Variants in NR5A1 observed in about 807,000 individuals in gnomAD.
NR5A1 encodes the protein steroidogenic factor 1.
NR5A1 carries 6 observed loss-of-function variants against 42.7 expected under a neutral mutation model. That is an observed-to-expected ratio of 0.14 (90% CI 0.08 to 0.28). The LOEUF (loss-of-function observed/expected upper bound fraction) is 0.28. Ranked by LOEUF, NR5A1 falls within the 10% of genes least tolerant of loss-of-function variation. The pLI is 1.00. For missense variants in NR5A1, 442 were observed against 626.4 expected (o/e 0.71, Z 3.14); for synonymous variants, 274 against 277.5 (o/e 0.99, Z 0.12).
At chr9:124,504,425 C>A (rs1410192635) in intron 1 of NR5A1, among the ~76,000 whole-genome samples, 1 of 152,066 alleles carries the variant, frequency 6.6e-6, no homozygotes, top group African/African-American at 2.4e-5. Flanking sequence ...AAACGCAGAG[C>A]CGCCGGGACC....
At chr9:124,499,255 T>C (rs1832431162) in intron 4 of NR5A1, among the ~76,000 whole-genome samples, 1 of 152,198 alleles carries the variant, frequency 6.6e-6, no homozygotes, top group Admixed American at 6.5e-5. Context: ...GTGGGAAGAC[T>C]GGGAAGTTCT....
intron 6 of NR5A1, among the ~76,000 whole-genome samples, chr9:124,488,406 C>T (rs1224996260): frequency 6.6e-6 from 1 of 152,150 alleles, no homozygotes; most frequent in Non-Finnish European, 1.5e-5. Context: ...CACCCCCAAC[C>T]TCACCAGGTT....
chr9:124,489,063 C>T (rs754669579), intron 6 of NR5A1, among the ~76,000 whole-genome samples: 2 of 152,274 alleles, frequency 1.3e-5, no homozygotes, highest in Non-Finnish European at 2.9e-5. Flanking sequence ...GCTCTGCCAT[C>T]TTCCTTAAGT....
chr9:124,502,952 G>T, intron 3 of NR5A1, 127 bp downstream of exon 3: 1 of 1,292,508 alleles, frequency 7.7e-7, no homozygotes, highest in African/African-American at 1.5e-5. Flanking sequence ...CAGCGACTGG[G>T]CCCTAATGTC....
chr9:124,487,659 C>T (rs962904690), intron 6 of NR5A1, among the ~76,000 whole-genome samples: 4 of 152,220 alleles, frequency 2.6e-5, no homozygotes, highest in Admixed American at 2.6e-4. Context: ...AGCACAAGCA[C>T]TCGTGGCCAG....
chr9:124,493,155 AG>A lies in NR5A1; in HGVS notation c.871-7del. 1 of 1,610,392 alleles carries A rather than the reference AG, an allele frequency of 6.2e-7. No individual in the cohort carries two copies. Among genetic ancestry groups the A allele is most frequent in the East Asian group, 2.2e-5 (1 of 44,826 alleles). ...AGCGTCATCTGGTCGGCCACCTGGA[AG>A]GAAGAGGCACGCGGGGGGCCGGGCT... On this transcript the variant is annotated splice_polypyrimidine_tract_variant and splice_region_variant and intron_variant, in intron 4 of 6. Transcript: ENST00000373588.
rs1181447992 is a variant in NR5A1 at position 124,503,673 on chromosome 9, C to T, written c.-15-263G>A. Reference sequence around the variant, plus strand: ...CCGCGCGGACCCCGTCGCGCCCGATCTGGGGCCCTCGGGTTCGATGCGCTT... The same window carrying T: ...CCGCGCGGACCCCGTCGCGCCCGATTTGGGGCCCTCGGGTTCGATGCGCTT... On this transcript the variant is annotated intron_variant, in intron 1 of 6. Coordinates refer to ENST00000373588, the MANE Select transcript of NR5A1 (RefSeq NM_004959.5). The surrounding 1 kb of genome is among the most constrained non-coding windows in gnomAD (Gnocchi z 9.6). Among the ~76,000 whole-genome samples, 1 of 152,232 alleles carries T rather than the reference C, an allele frequency of 6.6e-6. No individual in the cohort carries two copies. Among genetic ancestry groups the T allele is most frequent in the East Asian group, 1.9e-4 (1 of 5,190 alleles).
intron 4 of NR5A1, among the ~76,000 whole-genome samples, chr9:124,497,051 A>C (rs529199167): frequency 2.6e-4 from 39 of 152,250 alleles, no homozygotes; most frequent in African/African-American, 9.1e-4. Flanking sequence ...GCTTGGGTCC[A>C]ATGTGTCTCT....
In NR5A1 at chr9:124,503,409, G is replaced by A. The variant is rs768917528; in HGVS notation, c.-14C>T. ...CGAATAGTCCATGCCCGCGGCGTCC[G>A]CCTGCGGAGGGACAGCGGGTCAGGG... On this transcript the variant is annotated splice_region_variant and 5_prime_UTR_variant, in exon 2 of 7. Coordinates refer to ENST00000373588, the MANE Select transcript of NR5A1 (RefSeq NM_004959.5). The surrounding 1 kb of genome is among the most constrained non-coding windows in gnomAD (Gnocchi z 9.6). 4.4e-6 allele frequency: 7 copies of A among 1,599,072 alleles called. No homozygotes were observed. The highest frequency in any genetic ancestry group is 1.7e-5 in the Admixed American group (1 of 58,324).
chr9:124,500,038 G>A lies in NR5A1; in HGVS notation c.870+52C>T, dbSNP rs1832441173. On this transcript the variant is annotated intron_variant, in intron 4 of 6. Transcript: ENST00000373588. The surrounding 1 kb of genome is among the most constrained non-coding windows in gnomAD (Gnocchi z 6.9). ...AAAGGACAGTCGGGCTAAGGCTTGGGCAGCCGGGAGGACCATGATGCAGGG... is the reference window on the plus strand; with the variant it reads ...AAAGGACAGTCGGGCTAAGGCTTGGACAGCCGGGAGGACCATGATGCAGGG... 3.3e-5 allele frequency: 54 copies of A among 1,612,392 alleles called. 1 individual carries two copies. The South Asian group carries it at 5.7e-4, about 17-fold the overall frequency.
rs1209802184 is a variant in NR5A1, at chr9:124,482,713, GC to G, written c.*44del. On this transcript the variant is annotated 3_prime_UTR_variant, in exon 7 of 7. Transcript: ENST00000373588. Reference sequence around the variant, plus strand: ...GTGGCTGCGGCCCCGCCCAGGCCCCGCCCCCAGTCCCGCCCCCAGTCCCGGC... The same window carrying G: ...GTGGCTGCGGCCCCGCCCAGGCCCCGCCCCAGTCCCGCCCCCAGTCCCGGC... 7.1e-5 allele frequency: 13 copies of G among 183,140 alleles called. No individual in the cohort carries two copies. The highest frequency in any genetic ancestry group is 6.8e-5 in the Admixed American group (1 of 14,616). 11.3% of individuals were successfully genotyped at this position (183,140 alleles called of 1,614,324 possible).
In NR5A1 at chr9:124,503,922, G is replaced by T. The variant is rs539405658; in HGVS notation, c.-15-512C>A. ...GACCGACGCCACCGGGCGCAGACAC[G>T]AGGCCAGTCCGAGAGTGCCAGAGAC... On this transcript the variant is annotated intron_variant, in intron 1 of 6. Coordinates refer to ENST00000373588, the MANE Select transcript of NR5A1 (RefSeq NM_004959.5). The surrounding 1 kb of genome is among the most constrained non-coding windows in gnomAD (Gnocchi z 9.6). 6.6e-6 allele frequency among the ~76,000 whole-genome samples: 1 copy of T among 152,058 alleles called. No homozygotes were observed. The highest frequency in any genetic ancestry group is 1.5e-5 in the Non-Finnish European group (1 of 68,018).
Position 124,503,797 on chromosome 9 carries a change from G to A in NR5A1, c.-15-387C>T, listed in dbSNP as rs1295661259. On this transcript the variant is annotated intron_variant, in intron 1 of 6. Coordinates refer to ENST00000373588, the MANE Select transcript of NR5A1 (RefSeq NM_004959.5). The surrounding 1 kb of genome is among the most constrained non-coding windows in gnomAD (Gnocchi z 9.6). ...CGCCAGGGGACCCAGGAGCGCTGGGGCGCCCGGCCCGGGTGTTCTGGGAAC... is the reference window on the plus strand; with the variant it reads ...CGCCAGGGGACCCAGGAGCGCTGGGACGCCCGGCCCGGGTGTTCTGGGAAC... Among the ~76,000 whole-genome samples, 1 of 152,256 alleles carries A rather than the reference G, an allele frequency of 6.6e-6. No individual in the cohort carries two copies. The highest frequency in any genetic ancestry group is 1.5e-5 in the Non-Finnish European group (1 of 68,048).
Position 124,481,772 on chromosome 9 carries a change from C to T in NR5A1, c.*986G>A, listed in dbSNP as rs1358224855. On this transcript the variant is annotated 3_prime_UTR_variant, in exon 7 of 7. Transcript: ENST00000373588. Reference sequence around the variant, plus strand: ...GGGTGGAGGGCGGGCAACAGCGCTTCTCTGGATTGGGGCTGGGGCTCAGAA... The same window carrying T: ...GGGTGGAGGGCGGGCAACAGCGCTTTTCTGGATTGGGGCTGGGGCTCAGAA... 6.6e-6 allele frequency: 1 copy of T among 152,180 alleles called. No homozygotes were observed. Among genetic ancestry groups the T allele is most frequent in the Non-Finnish European group, 1.5e-5 (1 of 68,066 alleles). The allele number at this position is 152,180 out of a possible 1,614,324, so 9.4% of individuals were successfully genotyped here.
At chr9:124,487,789 G>A (rs1832242457) in intron 6 of NR5A1, among the ~76,000 whole-genome samples, 1 of 152,240 alleles carries the variant, frequency 6.6e-6, no homozygotes, top group Non-Finnish European at 1.5e-5. Flanking sequence ...CAGCTCTGGT[G>A]GTCTGGGTGG....
intron 5 of NR5A1, 48 bp downstream of exon 5, chr9:124,492,982 C>T: frequency 1.3e-6 from 2 of 1,522,406 alleles, no homozygotes; most frequent in East Asian, 4.8e-5. Context: ...TGGAAGTGCA[C>T]AGCGGGGCCA....
Position 124,496,631 on chromosome 9 carries a change from G to T in NR5A1, c.870+3459C>A, listed in dbSNP as rs1832394183. 6.6e-6 allele frequency among the ~76,000 whole-genome samples: 1 copy of T among 152,212 alleles called. No individual in the cohort carries two copies. Among genetic ancestry groups the T allele is most frequent in the South Asian group, 2.1e-4 (1 of 4,830 alleles). On this transcript the variant is annotated intron_variant, in intron 4 of 6. Transcript: ENST00000373588. The surrounding 1 kb of genome is among the most constrained non-coding windows in gnomAD (Gnocchi z 5.0). ...CGGTGGGCTGTGTAATTCTCTGGTG[G>T]CTGACACACCACGGGCTGGCCACTG...
chr9:124,501,337 T>C lies in NR5A1; in HGVS notation c.245-622A>G, dbSNP rs907759668. Among the ~76,000 whole-genome samples, 1 of 152,208 alleles carries C rather than the reference T, an allele frequency of 6.6e-6. No homozygotes were observed. Among genetic ancestry groups the C allele is most frequent in the Non-Finnish European group, 1.5e-5 (1 of 68,038 alleles). Reference sequence around the variant, plus strand: ...CTCCTGCTTCAAAATGACTCAAGTATCCTTCACTGGCTGCGAATGTGAAGC... The same window carrying C: ...CTCCTGCTTCAAAATGACTCAAGTACCCTTCACTGGCTGCGAATGTGAAGC... On this transcript the variant is annotated intron_variant, in intron 3 of 6. Transcript: ENST00000373588. This position sits in a 1 kb window ranked among gnomAD's most constrained non-coding sequence, Gnocchi z 4.1.
At chr9:124,484,564 A>G (rs1832179724) in intron 6 of NR5A1, among the ~76,000 whole-genome samples, 1 of 152,170 alleles carries the variant, frequency 6.6e-6, no homozygotes, top group South Asian at 2.1e-4. Context: ...CAGCCTGGCC[A>G]ACATGGTGAA....
Sources: gnomAD v4.1 joint callset for allele counts (sites outside exome capture counted in the v4.1 genomes callset) on GRCh38, gnomAD v4.1.1 for gene constraint, Gnocchi (gnomAD v3.1) non-coding constraint, MANE v1.5 for transcripts, NCBI Gene and HGNC (gene_info 2026-07-23, HGNC 2026-07-21) for gene names.